THSD4: variants seen among roughly 807,000 people sequenced by gnomAD.
THSD4 encodes the protein thrombospondin type 1 domain containing 4.
In THSD4, 69 loss-of-function variants were observed where a neutral mutation model predicts 119.0. The ratio of observed to expected loss-of-function variants is 0.58; its 90% CI spans 0.48 to 0.71. The LOEUF (loss-of-function observed/expected upper bound fraction) is 0.71, where lower values mean the gene tolerates loss of function less well. THSD4 is among the 30% of genes least tolerant of loss of function. THSD4 has a pLI of 0.00. For synonymous variants in THSD4, 524 were observed against 540.4 expected (o/e 0.97, Z 0.42); for missense variants, 1,393 against 1,391.1 (o/e 1.00, Z -0.02).
intron 7 of THSD4, among the ~76,000 whole-genome samples, chr15:71,610,579 A>G (rs988212701): frequency 2.0e-5 from 3 of 152,346 alleles, no homozygotes; most frequent in Middle Eastern, 3.4e-3. Context: ...CTTAGTGGTG[A>G]CAGGGATACA....
intron 7 of THSD4, among the ~76,000 whole-genome samples, chr15:71,535,051 G>A (rs1315550711): frequency 6.6e-6 from 1 of 152,184 alleles, no homozygotes; most frequent in Non-Finnish European, 1.5e-5. Context: ...ACAGGGTTGT[G>A]CAACTCTCAC....
At chr15:71,738,891 C>CT (rs1160196865) in intron 11 of THSD4, among the ~76,000 whole-genome samples, 1 of 152,114 alleles carries the variant, frequency 6.6e-6, no homozygotes, top group Non-Finnish European at 1.5e-5. Context: ...ATTCCAAGGG[C>CT]TTAGAGGTTC....
intron 8 of THSD4, among the ~76,000 whole-genome samples, chr15:71,664,046 C>T (rs948224786): frequency 6.6e-5 from 10 of 151,786 alleles, no homozygotes; most frequent in African/African-American, 2.2e-4. Flanking sequence ...GCAGTGGCGC[C>T]GTCTCAGCTC....
chr15:71,408,539 C>T (rs4270128), intron 6 of THSD4, among the ~76,000 whole-genome samples: 149,697 of 152,288 alleles, frequency 0.98, 73,634 homozygotes, highest in East Asian at 1. Flanking sequence ...GGCCCAAATG[C>T]ATTCTTATGA....
At chr15:71,256,481 A>AT (rs2044317912) in intron 5 of THSD4, 132 bp from the exon 6 acceptor site, 3 of 563,596 alleles carry the variant, frequency 5.3e-6, no homozygotes, top group Middle Eastern at 6.6e-4. Flanking sequence ...ATCTCAAAAA[A>AT]AAAAAAATAA....
chr15:71,694,253 A>G (rs1027367415), intron 8 of THSD4, among the ~76,000 whole-genome samples: 3 of 152,198 alleles, frequency 2.0e-5, no homozygotes, highest in Admixed American at 1.3e-4. Flanking sequence ...TCTGATTCAG[A>G]ATACTTGGAT....
intron 8 of THSD4, among the ~76,000 whole-genome samples, chr15:71,721,267 G>C (rs2052716565): frequency 6.6e-6 from 1 of 152,106 alleles, no homozygotes; most frequent in African/African-American, 2.4e-5. Flanking sequence ...CCAGCACTTT[G>C]GGAGGCCGAG....
intron 7 of THSD4, among the ~76,000 whole-genome samples, chr15:71,579,423 G>T (rs2049517779): frequency 6.6e-6 from 1 of 152,180 alleles, no homozygotes; most frequent in Non-Finnish European, 1.5e-5. Flanking sequence ...GATGAGAAAG[G>T]GAACTGGAAA....
intron 8 of THSD4, among the ~76,000 whole-genome samples, chr15:71,697,090 C>G (rs1050870208): frequency 6.6e-6 from 1 of 151,988 alleles, no homozygotes; most frequent in Non-Finnish European, 1.5e-5. Flanking sequence ...GGTGAAGGAG[C>G]AAAAGGGGAT....
chr15:71,243,815 C>T (rs961173374), intron 5 of THSD4, among the ~76,000 whole-genome samples: 4 of 112,762 alleles, frequency 3.5e-5, no homozygotes, highest in South Asian at 2.8e-4. Flanking sequence ...GATGGAGTCT[C>T]GCTCTGTCAC....
intron 7 of THSD4, among the ~76,000 whole-genome samples, chr15:71,508,000 C>G (rs897468882): frequency 1.3e-5 from 2 of 152,058 alleles, no homozygotes; most frequent in African/African-American, 4.8e-5. Context: ...TACAATGATG[C>G]AGTAATGTCA....
At chr15:71,142,902 A>T (rs530093186) in intron 2 of THSD4, among the ~76,000 whole-genome samples, 1 of 152,350 alleles carries the variant, frequency 6.6e-6, no homozygotes, top group Admixed American at 6.5e-5. Flanking sequence ...AATATATAGC[A>T]TATTACATAT....
At chr15:71,694,500 A>G (rs914452463) in intron 8 of THSD4, among the ~76,000 whole-genome samples, 3 of 152,222 alleles carry the variant, frequency 2.0e-5, no homozygotes, top group Admixed American at 6.5e-5. Context: ...TGGCAATTTA[A>G]CTTTTCATTT....
At chr15:71,760,155 A>AAT (rs1399339655) in intron 15 of THSD4, among the ~76,000 whole-genome samples, 1 of 152,242 alleles carries the variant, frequency 6.6e-6, no homozygotes, top group African/African-American at 2.4e-5. Context: ...CACAGTGATT[A>AAT]GTCCAGGAGT....
intron 7 of THSD4, among the ~76,000 whole-genome samples, chr15:71,597,893 C>T (rs1300565989): frequency 6.6e-6 from 1 of 152,138 alleles, no homozygotes. Context: ...TTCAGACGCT[C>T]CCTGGAATTG....
At chr15:71,611,215 G>T (rs66846688) in intron 7 of THSD4, among the ~76,000 whole-genome samples, 21,045 of 152,188 alleles carry the variant, frequency 0.14, 1,480 homozygotes, top group Middle Eastern at 0.17. Context: ...CAGTTTCAGC[G>T]CATGGACTCC....
chr15:71,626,138 GTGGT>G (rs1380346707), intron 7 of THSD4, among the ~76,000 whole-genome samples: 1 of 152,044 alleles, frequency 6.6e-6, no homozygotes, highest in African/African-American at 2.4e-5. Flanking sequence ...CATTCTTTTT[GTGGT>G]TGGTTATTGT....
intron 3 of THSD4, among the ~76,000 whole-genome samples, chr15:71,202,199 T>C (rs2140239580): frequency 6.6e-6 from 1 of 152,320 alleles, no homozygotes; most frequent in African/African-American, 2.4e-5. Context: ...TCCCCTTCCT[T>C]GGAAACATCA....
At chr15:71,262,280 A>T (rs1053234773) in intron 6 of THSD4, among the ~76,000 whole-genome samples, 2 of 152,048 alleles carry the variant, frequency 1.3e-5, no homozygotes, top group African/African-American at 4.8e-5. Flanking sequence ...ATAGCCTGGG[A>T]CCTATTACTG....
Sources: allele counts gnomAD v4.1 joint callset (sites outside exome capture counted in the v4.1 genomes callset), GRCh38; gene constraint gnomAD v4.1.1; transcripts MANE v1.5; gene names NCBI Gene and HGNC (gene_info 2026-07-23, HGNC 2026-07-21).